The following CSMD1 variants were observed in gnomAD, a reference collection of about 807,000 sequenced individuals.
The protein encoded by CSMD1 is CUB and Sushi multiple domains 1.
A neutral mutation model predicts 417.5 loss-of-function variants in CSMD1; 213 were observed. That is an observed-to-expected ratio of 0.51 (90% CI 0.46 to 0.57). CSMD1 has a LOEUF of 0.57. Among genes scored for constraint, CSMD1 ranks in the 20% least tolerant of loss-of-function variants. The pLI, the probability that CSMD1 is intolerant of heterozygous loss-of-function variation, is 0.00. For missense variants in CSMD1, 6,923 were observed against 4,529.7 expected (o/e 1.53, Z -15.17); for synonymous variants, 2,862 against 1,736.8 (o/e 1.65, Z -16.11).
At chr8:4,715,079 CA>C (rs1391708056) in intron 1 of CSMD1, among the ~76,000 whole-genome samples, 2 of 151,976 alleles carry the variant, frequency 1.3e-5, no homozygotes, top group Admixed American at 1.3e-4. Context: ...GATAATTATC[CA>C]AAAACACTCC....
At chr8:4,100,903 C>T (rs1801270485) in intron 3 of CSMD1, among the ~76,000 whole-genome samples, 1 of 152,104 alleles carries the variant, frequency 6.6e-6, no homozygotes, top group African/African-American at 2.4e-5. Context: ...AAATAAAGAA[C>T]AGAAAGTGGT....
At chr8:4,428,991 G>C (rs780972034) in intron 2 of CSMD1, among the ~76,000 whole-genome samples, 3 of 152,008 alleles carry the variant, frequency 2.0e-5, no homozygotes, top group African/African-American at 4.8e-5. Context: ...TGGGAATATA[G>C]GCATAAGGCA....
chr8:3,254,307 A>G (rs1563190545), intron 26 of CSMD1, among the ~76,000 whole-genome samples: 1 of 151,672 alleles, frequency 6.6e-6, no homozygotes, highest in Non-Finnish European at 1.5e-5. Flanking sequence ...TGCCCTTAAC[A>G]TTTTTTCCTT....
chr8:3,016,336 C>G (rs768967209), intron 52 of CSMD1, among the ~76,000 whole-genome samples: 3 of 152,160 alleles, frequency 2.0e-5, no homozygotes, highest in Admixed American at 6.5e-5. Context: ...AATATCATCT[C>G]TGTTCTCCTA....
At chr8:3,686,152 A>T (rs1281098864) in intron 7 of CSMD1, among the ~76,000 whole-genome samples, 2 of 152,034 alleles carry the variant, frequency 1.3e-5, no homozygotes, top group African/African-American at 4.8e-5. Flanking sequence ...ACTATTAGGT[A>T]GGTTTCAAAA....
chr8:3,312,873 G>C (rs1300729019), intron 23 of CSMD1, among the ~76,000 whole-genome samples: 1 of 152,144 alleles, frequency 6.6e-6, no homozygotes, highest in Non-Finnish European at 1.5e-5. Flanking sequence ...ACATTCGTTA[G>C]GATACAGCCT....
intron 3 of CSMD1, among the ~76,000 whole-genome samples, chr8:4,204,403 G>T (rs746502805): frequency 3.3e-5 from 5 of 152,144 alleles, no homozygotes; most frequent in Non-Finnish European, 7.4e-5. Context: ...AATTAGGAAA[G>T]ATAGAAACCC....
intron 23 of CSMD1, among the ~76,000 whole-genome samples, chr8:3,317,438 T>G (rs1805847287): frequency 1.3e-5 from 2 of 152,138 alleles, no homozygotes; most frequent in African/African-American, 4.8e-5. Flanking sequence ...ATCACACAAG[T>G]GTGGACTTGT....
intron 1 of CSMD1, among the ~76,000 whole-genome samples, chr8:4,682,018 A>C (rs1472197446): frequency 6.6e-6 from 1 of 151,984 alleles, no homozygotes; most frequent in Admixed American, 6.6e-5. Context: ...TTATTGGATA[A>C]ATTTGTTGTT....
rs61249215 is a variant in CSMD1, at chr8:3,062,351, G to A, written c.7475-9704C>T. On this transcript the variant is annotated intron_variant, in intron 49 of 69. Coordinates refer to ENST00000635120, the MANE Select transcript of CSMD1 (RefSeq NM_033225.6). ...CCTCTCCACCCACGGGGATAGAACT[G>A]GTCACACTGCTTTTCTTTACTATGT... Among the ~76,000 whole-genome samples, 1,358 of 152,168 alleles carry A rather than the reference G, an allele frequency of 8.9e-3. 22 individuals are homozygous for A. Among genetic ancestry groups the A allele is most frequent in the African/African-American group, 0.031 (1,282 of 41,518 alleles).
At chr8:3,607,653 C>A (rs1176001620) in intron 8 of CSMD1, among the ~76,000 whole-genome samples, 1 of 152,136 alleles carries the variant, frequency 6.6e-6, no homozygotes, top group Non-Finnish European at 1.5e-5. Context: ...ATATGCAGTC[C>A]ATTGTTAGGC....
chr8:4,327,485 C>T (rs1177983271), intron 3 of CSMD1, among the ~76,000 whole-genome samples: 2 of 152,144 alleles, frequency 1.3e-5, no homozygotes, highest in African/African-American at 2.4e-5. Context: ...GGGGATGAGC[C>T]ATTCTCTGTG....
At chr8:3,413,097 G>T (rs17066037) in intron 12 of CSMD1, among the ~76,000 whole-genome samples, 15,105 of 152,130 alleles carry the variant, frequency 0.099, 928 homozygotes, top group East Asian at 0.25. Flanking sequence ...ACCTCAAAGG[G>T]TGGCCATGAG....
intron 6 of CSMD1, among the ~76,000 whole-genome samples, chr8:3,733,412 T>G (rs2129048256): frequency 6.6e-6 from 1 of 150,676 alleles, no homozygotes; most frequent in South Asian, 2.1e-4. Context: ...TAGAAACCTG[T>G]AAGAATGTAC....
chr8:3,001,470 G>C (rs1042919529), intron 52 of CSMD1, among the ~76,000 whole-genome samples: 1 of 152,106 alleles, frequency 6.6e-6, no homozygotes, highest in African/African-American at 2.4e-5. Flanking sequence ...AATTGGACCT[G>C]TGTTACACAT....
rs1179945882 is a variant in CSMD1, at chr8:4,253,182, A to G, written c.415+166771T>C. Among the ~76,000 whole-genome samples, 4 of 152,152 alleles carry G rather than the reference A, an allele frequency of 2.6e-5. No homozygotes were observed. In the East Asian group the frequency reaches 5.8e-4, roughly 22 times the overall value. On this transcript the variant is annotated intron_variant, in intron 3 of 69. Transcript: ENST00000635120. ...CATTAGGAAACATTCTATCTGGTCT[A>G]TTCTCCTCTTCTACGATCCCGCCCC... is the stretch of plus-strand genomic sequence containing the variant.
chr8:3,744,654 C>T (rs1056832898), intron 6 of CSMD1, among the ~76,000 whole-genome samples: 7 of 152,182 alleles, frequency 4.6e-5, no homozygotes, highest in African/African-American at 1.7e-4. Flanking sequence ...AAAGCACATG[C>T]TATTTACAAG....
chr8:4,833,605 G>C (rs1363393944), intron 1 of CSMD1, among the ~76,000 whole-genome samples: 1 of 152,196 alleles, frequency 6.6e-6, no homozygotes, highest in Non-Finnish European at 1.5e-5. Context: ...ATTTTTGAAA[G>C]CAAGGACTTT....
intron 8 of CSMD1, among the ~76,000 whole-genome samples, chr8:3,614,381 C>G (rs1802037216): frequency 6.6e-6 from 1 of 152,120 alleles, no homozygotes; most frequent in Admixed American, 6.6e-5. Context: ...AGCCCTCAGA[C>G]TTAATGTTCA....
Sources: gnomAD v4.1 joint callset for allele counts (sites outside exome capture counted in the v4.1 genomes callset) on GRCh38, gnomAD v4.1.1 for gene constraint, MANE v1.5 for transcripts, NCBI Gene and HGNC (gene_info 2026-07-23, HGNC 2026-07-21) for gene names.